Variants in C10orf67 observed in about 807,000 individuals in gnomAD.
C10orf67 encodes chromosome 10 open reading frame 67.
C10orf67 carries 60 observed loss-of-function variants against 35.6 expected under a neutral mutation model. The observed-to-expected ratio is 1.68, with a 90% CI of 1.37 to 2.09. C10orf67 has a LOEUF of 2.09. C10orf67 is among the 30% of genes most tolerant of loss of function. The probability of loss-of-function intolerance (pLI) is 0.00; values close to 1 mark genes in which losing one functional copy is unlikely to be tolerated. For synonymous variants in C10orf67, 167 were observed against 115.8 expected (o/e 1.44, Z -2.84); for missense variants, 474 against 330.2 (o/e 1.44, Z -3.38).
intron 15 of C10orf67, among the ~76,000 whole-genome samples, chr10:23,218,494 T>G (rs1055689663): frequency 3.3e-5 from 5 of 152,066 alleles, no homozygotes; most frequent in Non-Finnish European, 5.9e-5. Context: ...ATGCCTCAAG[T>G]ATTAATAGAA....
chr10:23,342,391 C>T (rs574896577), intron 1 of C10orf67, among the ~76,000 whole-genome samples: 1 of 152,296 alleles, frequency 6.6e-6, no homozygotes, highest in South Asian at 2.1e-4. Flanking sequence ...AAAGGCCGGG[C>T]TTTCGTCTGC....
At chr10:23,328,696 A>C (rs1164104065) in intron 2 of C10orf67, among the ~76,000 whole-genome samples, 1 of 151,876 alleles carries the variant, frequency 6.6e-6, no homozygotes, top group African/African-American at 2.4e-5. Context: ...AAAAAAAAAA[A>C]AAAAAAGCCA....
intron 1 of C10orf67, among the ~76,000 whole-genome samples, chr10:23,335,552 G>C (rs1446973346): frequency 1.3e-5 from 2 of 152,026 alleles, no homozygotes; most frequent in Non-Finnish European, 2.9e-5. Context: ...CAGTGGTGGT[G>C]GTTTCTACTG....
chr10:23,292,253 T>C (rs1387043590), intron 5 of C10orf67, among the ~76,000 whole-genome samples: 1 of 146,464 alleles, frequency 6.8e-6, no homozygotes, highest in Non-Finnish European at 1.5e-5. Context: ...CTAGATTTTA[T>C]TGCCATGCAT....
intron 15 of C10orf67, among the ~76,000 whole-genome samples, chr10:23,209,494 C>G (rs1056220970): frequency 6.6e-6 from 1 of 151,968 alleles, no homozygotes; most frequent in Non-Finnish European, 1.5e-5. Context: ...CAATACTGTA[C>G]TGTATACTTG....
intron 13 of C10orf67, among the ~76,000 whole-genome samples, chr10:23,227,155 T>C (rs1330446183): frequency 2.0e-5 from 3 of 152,148 alleles, no homozygotes; most frequent in Non-Finnish European, 2.9e-5. Context: ...TTTAGACCAA[T>C]ATCCCTGATG....
chr10:23,222,877 G>A (rs1841623538), intron 15 of C10orf67, among the ~76,000 whole-genome samples: 1 of 152,100 alleles, frequency 6.6e-6, no homozygotes, highest in Admixed American at 6.6e-5. Context: ...GGTTGCCCAG[G>A]CTGGTCTAGA....
At chr10:23,276,140 T>A (rs540310451) in intron 8 of C10orf67, among the ~76,000 whole-genome samples, 1 of 152,174 alleles carries the variant, frequency 6.6e-6, no homozygotes, top group African/African-American at 2.4e-5. Flanking sequence ...CAGGATGAGA[T>A]AGTCACCCTA....
At chr10:23,242,382 C>T (rs1486871220) in intron 12 of C10orf67, among the ~76,000 whole-genome samples, 1 of 151,990 alleles carries the variant, frequency 6.6e-6, no homozygotes, top group African/African-American at 2.4e-5. Context: ...CAAAGAAAAG[C>T]TGAGAGAATT....
At chr10:23,275,437 G>T (rs939162725) in intron 8 of C10orf67, among the ~76,000 whole-genome samples, 1 of 152,110 alleles carries the variant, frequency 6.6e-6, no homozygotes, top group African/African-American at 2.4e-5. Context: ...TGTCCCCCTT[G>T]TGTTGCTCAG....
chr10:23,233,614 C>A (rs761724846), intron 13 of C10orf67, among the ~76,000 whole-genome samples: 2 of 152,044 alleles, frequency 1.3e-5, no homozygotes, highest in African/African-American at 4.8e-5. Context: ...AAAATACTTT[C>A]GTGTGATAAA....
At chr10:23,339,672 C>G (rs1370473466) in intron 1 of C10orf67, among the ~76,000 whole-genome samples, 3 of 152,202 alleles carry the variant, frequency 2.0e-5, no homozygotes, top group East Asian at 3.9e-4. Context: ...GCCCTGTTTC[C>G]TCTTCCTCAG....
chr10:23,273,089 T>A (rs1287617502), intron 8 of C10orf67, among the ~76,000 whole-genome samples: 1 of 152,234 alleles, frequency 6.6e-6, no homozygotes, highest in Non-Finnish European at 1.5e-5. Flanking sequence ...TGTAGATTTG[T>A]TAGGATTTCC....
intron 4 of C10orf67, among the ~76,000 whole-genome samples, chr10:23,309,900 T>A (rs1457576063): frequency 6.6e-6 from 1 of 152,230 alleles, no homozygotes; most frequent in African/African-American, 2.4e-5. Flanking sequence ...TCCTCAAACT[T>A]CAGCTGAAGC....
chr10:23,209,532 T>G (rs1841249956), intron 15 of C10orf67, among the ~76,000 whole-genome samples: 1 of 152,066 alleles, frequency 6.6e-6, no homozygotes, highest in Admixed American at 6.5e-5. Flanking sequence ...AGGTAGCTCT[T>G]AAGTGTTCTC....
intron 15 of C10orf67, among the ~76,000 whole-genome samples, chr10:23,211,302 C>T (rs922029768): frequency 6.6e-6 from 1 of 152,220 alleles, no homozygotes; most frequent in African/African-American, 2.4e-5. Context: ...GTGTCTCTGT[C>T]TTCACAGGAC....
intron 4 of C10orf67, among the ~76,000 whole-genome samples, chr10:23,304,906 C>A (rs1281729930): frequency 2.0e-5 from 3 of 152,288 alleles, no homozygotes; most frequent in Admixed American, 6.5e-5. Context: ...CAGACAGGAT[C>A]CAAGCCTGTT....
At chr10:23,206,065 C>T (rs1208724737) in intron 15 of C10orf67, among the ~76,000 whole-genome samples, 5 of 152,224 alleles carry the variant, frequency 3.3e-5, no homozygotes, top group Admixed American at 3.3e-4. Context: ...AATGCAGATA[C>T]TCCCATTTGG....
chr10:23,334,156 G>A (rs1367742875), intron 1 of C10orf67, among the ~76,000 whole-genome samples: 1 of 152,054 alleles, frequency 6.6e-6, no homozygotes, highest in African/African-American at 2.4e-5. Context: ...CTACAGAGAG[G>A]TCTTGAAACC....
Sources: gnomAD v4.1 joint callset for allele counts (sites outside exome capture counted in the v4.1 genomes callset) on GRCh38, gnomAD v4.1.1 for gene constraint, MANE v1.5 for transcripts, NCBI Gene and HGNC (gene_info 2026-07-23, HGNC 2026-07-21) for gene names.